ATP7A: variants seen among roughly 807,000 people sequenced by gnomAD.
ATP7A encodes the protein ATPase copper transporting alpha.
Under a neutral mutation model 83.5 loss-of-function variants are expected in ATP7A, and 7 were observed. That is an observed-to-expected ratio of 0.08 (90% CI 0.05 to 0.16). The LOEUF is 0.16. ATP7A is among the 10% of genes least tolerant of loss of function. ATP7A has a pLI of 1.00. For synonymous variants in ATP7A, 354 were observed against 395.2 expected (o/e 0.90, Z 1.24); for missense variants, 940 against 1,120.8 (o/e 0.84, Z 2.30).
chrX:78,015,144 A>G (rs986135263), intron 11 of ATP7A, among the ~76,000 whole-genome samples: 2 of 112,368 alleles, frequency 1.8e-5, no homozygotes, highest in African/African-American at 3.2e-5. Flanking sequence ...TAGAATTCAA[A>G]CAAGATCCAT....
chrX:77,963,028 G>T, intron 1 of ATP7A: 1 of 207,956 alleles, frequency 4.8e-6, no homozygotes, highest in Admixed American at 6.4e-5. Context: ...GTTTTTCTTG[G>T]TTTTCTTGAC....
intron 1 of ATP7A, among the ~76,000 whole-genome samples, chrX:77,950,714 A>G (rs2077408009): frequency 9.0e-6 from 1 of 111,259 alleles, no homozygotes; most frequent in African/African-American, 3.3e-5. Context: ...AATTTAACAT[A>G]CCATAAATTC....
At chrX:77,995,567 CAAAAAAAA>C (rs1232051931) in intron 4 of ATP7A, among the ~76,000 whole-genome samples, 1 of 35,026 alleles carries the variant, frequency 2.9e-5, no homozygotes, top group Non-Finnish European at 4.9e-5. Context: ...GACTCCATCT[CAAAAAAAA>C]AAAAAAAAAA....
intron 1 of ATP7A, among the ~76,000 whole-genome samples, chrX:77,970,856 A>T (rs781981372): frequency 8.9e-6 from 1 of 111,768 alleles, no homozygotes; most frequent in South Asian, 3.7e-4. Flanking sequence ...AAACAGAATA[A>T]ATCAGCAAGT....
At chrX:77,942,950 G>C (rs1557225819) in intron 1 of ATP7A, among the ~76,000 whole-genome samples, 1 of 110,544 alleles carries the variant, frequency 9.0e-6, no homozygotes, top group East Asian at 2.8e-4. Flanking sequence ...TGAGTAGCTG[G>C]GATTACAGGC....
intron 2 of ATP7A, among the ~76,000 whole-genome samples, chrX:77,984,125 C>T (rs782208839): frequency 9.0e-6 from 1 of 110,875 alleles, no homozygotes; most frequent in East Asian, 2.9e-4. Context: ...TGGGGTAGGG[C>T]AGAGAAGGGA....
At position 78,019,938 on chromosome X, in the gene ATP7A, C is replaced by T. The variant is rs782247117; in HGVS notation, c.2627-306C>T. ...CATCCCGTGCAGTCATTATTACAAACGAAAACTCCCTCCCACATTTCTAAA... is the reference window on the plus strand; with the variant it reads ...CATCCCGTGCAGTCATTATTACAAATGAAAACTCCCTCCCACATTTCTAAA... On this transcript the variant is annotated intron_variant, in intron 12 of 22. Coordinates refer to ENST00000341514, the MANE Select transcript of ATP7A (RefSeq NM_000052.7). Among the ~76,000 whole-genome samples, 10 of 111,285 alleles carry T rather than the reference C, an allele frequency of 9.0e-5. No homozygotes were observed. In the East Asian group the frequency reaches 2.5e-3, roughly 28 times the overall value.
chrX:77,911,288 G>C (rs1481675521), intron 1 of ATP7A, among the ~76,000 whole-genome samples: 1 of 112,252 alleles, frequency 8.9e-6, no homozygotes, highest in African/African-American at 3.2e-5. Flanking sequence ...GGTAAACTGA[G>C]AGAACTCTTG....
In ATP7A at chrX:77,998,449, A is replaced by G. The variant is rs782617753; in HGVS notation, c.1337-29A>G. 1.2e-5 allele frequency: 14 copies of G among 1,192,186 alleles called. No homozygotes were observed. The East Asian group carries it at 3.3e-4, about 28-fold the overall frequency. ...ATGCAATTGAATGATCAATACTGCA[A>G]ATGAAAAGAATCTTTCCCTTTCTAC... On this transcript the variant is annotated intron_variant, in intron 4 of 22. Coordinates refer to ENST00000341514, the MANE Select transcript of ATP7A (RefSeq NM_000052.7).
intron 1 of ATP7A, among the ~76,000 whole-genome samples, chrX:77,967,676 A>G (rs1569549319): frequency 8.9e-6 from 1 of 111,814 alleles, no homozygotes; most frequent in Non-Finnish European, 1.9e-5. Flanking sequence ...AGATTGCAAA[A>G]TGTTTTCTCC....
intron 4 of ATP7A, 93 bp downstream of exon 4, chrX:77,990,051 G>T: frequency 8.9e-7 from 1 of 1,118,410 alleles, no homozygotes; most frequent in South Asian, 2.0e-5. Context: ...TGATTCATAG[G>T]CACTGTAATT....
Position 78,048,292 on chromosome X carries a change from A to G in ATP7A, c.*1722A>G, listed in dbSNP as rs1230112820. On this transcript the variant is annotated 3_prime_UTR_variant, in exon 23 of 23. Coordinates refer to ENST00000341514, the MANE Select transcript of ATP7A (RefSeq NM_000052.7). The stretch of plus-strand genomic sequence containing the variant: ...TATGCAGAATATGTAAATGAAGAGG[A>G]CTCATAAGTAAATTCCTAACATTTT... 1.8e-5 allele frequency: 2 copies of G among 112,198 alleles called. No individual in the cohort carries two copies. The highest frequency in any genetic ancestry group is 6.5e-5 in the African/African-American group (2 of 30,904). 9.2% of individuals were successfully genotyped at this position (112,198 alleles called of 1,213,427 possible). A position where few individuals can be genotyped will look rare whatever the true frequency, so the allele number is the denominator to read the frequency against.
intron 1 of ATP7A, among the ~76,000 whole-genome samples, chrX:77,967,131 T>G (rs375964171): frequency 3.6e-5 from 4 of 112,097 alleles, no homozygotes; most frequent in East Asian, 5.6e-4. Context: ...ATGTACCACA[T>G]TTTCTTTCTC....
chrX:77,927,712 C>A (rs1173415459), intron 1 of ATP7A, among the ~76,000 whole-genome samples: 2 of 110,610 alleles, frequency 1.8e-5, no homozygotes, highest in Admixed American at 9.7e-5. Context: ...CGTATACATG[C>A]GCCATGTTGG....
chrX:78,046,275 TA>T lies in ATP7A; in HGVS notation c.4227-18del. On this transcript the variant is annotated intron_variant, in intron 22 of 22. Coordinates refer to ENST00000341514, the MANE Select transcript of ATP7A (RefSeq NM_000052.7). ...TACTTTTGGTTATTTGAAACTAGCATACTTTTGCATATGTCCAGTTACAGGA... is the reference window on the plus strand; with the variant it reads ...TACTTTTGGTTATTTGAAACTAGCATCTTTTGCATATGTCCAGTTACAGGA... 3.3e-6 allele frequency: 4 copies of T among 1,209,552 alleles called. No homozygotes were observed. Among genetic ancestry groups the T allele is most frequent in the Non-Finnish European group, 4.5e-6 (4 of 893,835 alleles).
At chrX:77,944,298 T>G (rs2077366593) in intron 1 of ATP7A, among the ~76,000 whole-genome samples, 1 of 112,198 alleles carries the variant, frequency 8.9e-6, no homozygotes, top group Admixed American at 9.5e-5. Flanking sequence ...AGAAGAAAGT[T>G]TGTAATTGTT....
chrX:78,025,854 A>T (rs1338504519), intron 14 of ATP7A, among the ~76,000 whole-genome samples: 2 of 111,396 alleles, frequency 1.8e-5, no homozygotes, highest in African/African-American at 6.5e-5. Context: ...TCATACATGA[A>T]GTAGAAACAA....
chrX:78,021,910 C>T (rs1263514545), intron 14 of ATP7A, among the ~76,000 whole-genome samples: 4 of 111,093 alleles, frequency 3.6e-5, no homozygotes, highest in African/African-American at 9.8e-5. Context: ...CCCCTACCCC[C>T]GACTGATTCT....
intron 1 of ATP7A, among the ~76,000 whole-genome samples, chrX:77,911,152 A>G (rs782686178): frequency 1.1e-4 from 12 of 112,318 alleles, no homozygotes; most frequent in Non-Finnish European, 1.9e-4. Context: ...AGTCACATGG[A>G]CTGGGGTCTT....
Sources: gnomAD v4.1 joint callset for allele counts (sites outside exome capture counted in the v4.1 genomes callset) on GRCh38, gnomAD v4.1.1 for gene constraint, MANE v1.5 for transcripts, NCBI Gene and HGNC (gene_info 2026-07-23, HGNC 2026-07-21) for gene names.